LPAR3: variants seen among roughly 807,000 people sequenced by gnomAD.
LPAR3 encodes lysophosphatidic acid receptor 3, also known as LPA receptor 3.
Under a neutral mutation model 17.8 loss-of-function variants are expected in LPAR3, and 7 were observed. The observed-to-expected ratio is 0.39, with a 90% CI of 0.22 to 0.74. LPAR3 has a LOEUF of 0.74. LPAR3 is among the 30% of genes least tolerant of loss of function. The pLI, the probability that LPAR3 is intolerant of heterozygous loss-of-function variation, is 0.40. For missense variants in LPAR3, 391 were observed against 453.4 expected (o/e 0.86, Z 1.25); for synonymous variants, 179 against 179.9 (o/e 0.99, Z 0.04).
intron 2 of LPAR3, among the ~76,000 whole-genome samples, chr1:84,822,630 T>C (rs553560837): frequency 6.6e-6 from 1 of 152,288 alleles, no homozygotes; most frequent in South Asian, 2.1e-4. Context: ...ATCTCCACAT[T>C]ATAGGAAATA....
At chr1:84,846,926 G>A (rs767622402) in intron 2 of LPAR3, among the ~76,000 whole-genome samples, 1 of 152,278 alleles carries the variant, frequency 6.6e-6, no homozygotes, top group Non-Finnish European at 1.5e-5. Flanking sequence ...AAATTTTGGA[G>A]GGGGCTACCC....
At chr1:84,836,820 AT>A (rs1256542294) in intron 2 of LPAR3, among the ~76,000 whole-genome samples, 1 of 152,182 alleles carries the variant, frequency 6.6e-6, no homozygotes, top group Non-Finnish European at 1.5e-5. Flanking sequence ...AGCTACTCTT[AT>A]CCTGCAAATT....
chr1:84,885,381 T>C (rs1428730957), intron 1 of LPAR3, among the ~76,000 whole-genome samples: 1 of 152,146 alleles, frequency 6.6e-6, no homozygotes, highest in Non-Finnish European at 1.5e-5. Context: ...TGCCAACAAG[T>C]GTTGGCAAGA....
chr1:84,858,310 T>C lies in LPAR3; in HGVS notation c.736+7075A>G, dbSNP rs757898873. Among the ~76,000 whole-genome samples, 82 of 151,992 alleles carry C rather than the reference T, an allele frequency of 5.4e-4. 2 individuals carry two copies. The highest frequency in any genetic ancestry group is 9.0e-4 in the Non-Finnish European group (61 of 67,948). ...CAGCCTGGGCAACATGGCGAAACTC[T>C]ATCTCTACTAAAAACATAAGAAAAG... On this transcript the variant is annotated intron_variant, in intron 2 of 2. Coordinates refer to ENST00000370611, the MANE Select transcript of LPAR3 (RefSeq NM_012152.3).
At chr1:84,871,282 T>C (rs1035109875) in intron 1 of LPAR3, among the ~76,000 whole-genome samples, 13 of 152,202 alleles carry the variant, frequency 8.5e-5, no homozygotes, top group African/African-American at 3.1e-4. Context: ...GGAATCCAAA[T>C]GAAAACTTCA....
At chr1:84,842,506 T>C (rs1557596250) in intron 2 of LPAR3, among the ~76,000 whole-genome samples, 1 of 152,212 alleles carries the variant, frequency 6.6e-6, no homozygotes, top group Non-Finnish European at 1.5e-5. Flanking sequence ...CCATAAGTTA[T>C]AGGTTTGAAA....
chr1:84,892,262 A>AAATACAT (rs1414259362), intron 1 of LPAR3, among the ~76,000 whole-genome samples: 3 of 110,238 alleles, frequency 2.7e-5, no homozygotes, highest in Non-Finnish European at 5.8e-5. Flanking sequence ...AATAAATAAA[A>AAATACAT]ACTAACCTAC....
intron 2 of LPAR3, among the ~76,000 whole-genome samples, chr1:84,847,169 T>C (rs1021601017): frequency 6.6e-6 from 1 of 152,246 alleles, no homozygotes; most frequent in African/African-American, 2.4e-5. Context: ...AATGTGTCAC[T>C]ACCTCCTGAA....
At chr1:84,837,134 G>A (rs556097189) in intron 2 of LPAR3, among the ~76,000 whole-genome samples, 1 of 149,816 alleles carries the variant, frequency 6.7e-6, no homozygotes, top group South Asian at 2.1e-4. Context: ...TGATTCTCCT[G>A]CCTTAGCCTC....
chr1:84,854,331 G>T (rs1026455305), intron 2 of LPAR3, among the ~76,000 whole-genome samples: 13 of 151,952 alleles, frequency 8.6e-5, no homozygotes, highest in African/African-American at 3.1e-4. Context: ...TCTCAAAGAG[G>T]CCTCCATGGA....
intron 2 of LPAR3, among the ~76,000 whole-genome samples, chr1:84,823,984 C>T (rs1659102171): frequency 6.6e-6 from 1 of 152,164 alleles, no homozygotes; most frequent in Admixed American, 6.5e-5. Context: ...TTGCAACTTA[C>T]CTAGAAATGC....
At chr1:84,872,064 T>C (rs898237809) in intron 1 of LPAR3, among the ~76,000 whole-genome samples, 3 of 152,146 alleles carry the variant, frequency 2.0e-5, no homozygotes, top group African/African-American at 7.2e-5. Context: ...GCTGTGACAG[T>C]TTTTCAGATT....
intron 1 of LPAR3, among the ~76,000 whole-genome samples, chr1:84,866,672 G>A (rs1660057011): frequency 1.3e-5 from 2 of 152,158 alleles, no homozygotes; most frequent in African/African-American, 2.4e-5. Context: ...GATAATAGGA[G>A]TTGAATTACC....
At chr1:84,817,490 TG>T (rs1158019386) in intron 2 of LPAR3, among the ~76,000 whole-genome samples, 1 of 152,168 alleles carries the variant, frequency 6.6e-6, no homozygotes, top group African/African-American at 2.4e-5. Flanking sequence ...GAGATGTGTT[TG>T]GAGAGAGATC....
chr1:84,871,440 T>C (rs972583790), intron 1 of LPAR3, among the ~76,000 whole-genome samples: 3 of 152,208 alleles, frequency 2.0e-5, no homozygotes, highest in African/African-American at 7.2e-5. Flanking sequence ...ATGAGACAAG[T>C]TGCTGCCTGG....
intron 2 of LPAR3, among the ~76,000 whole-genome samples, chr1:84,834,498 T>C (rs1270183752): frequency 2.0e-5 from 3 of 152,206 alleles, no homozygotes; most frequent in Admixed American, 2.0e-4. Flanking sequence ...TCCATTTTAC[T>C]GAACAGAGGT....
chr1:84,816,931 C>T (rs2102743455), intron 2 of LPAR3, among the ~76,000 whole-genome samples: 1 of 152,336 alleles, frequency 6.6e-6, no homozygotes, highest in African/African-American at 2.4e-5. Flanking sequence ...AAAGTCTGTG[C>T]TTTCTCTATG....
intron 2 of LPAR3, among the ~76,000 whole-genome samples, chr1:84,842,009 G>C (rs1451910533): frequency 1.3e-5 from 2 of 152,122 alleles, no homozygotes; most frequent in East Asian, 3.8e-4. Flanking sequence ...AAAAAAAAAA[G>C]TTTGTAGGGG....
intron 2 of LPAR3, among the ~76,000 whole-genome samples, chr1:84,849,169 G>A (rs1054658595): frequency 6.6e-6 from 1 of 152,022 alleles, no homozygotes; most frequent in Non-Finnish European, 1.5e-5. Flanking sequence ...GAGGTCAAGA[G>A]ATCCAGACCA....
Sources: allele counts gnomAD v4.1 joint callset (sites outside exome capture counted in the v4.1 genomes callset), GRCh38; gene constraint gnomAD v4.1.1; transcripts MANE v1.5; gene names NCBI Gene and HGNC (gene_info 2026-07-23, HGNC 2026-07-21).